The following OSBP2 variants were observed in gnomAD, a reference collection of about 807,000 sequenced individuals.
OSBP2 encodes the protein oxysterol binding protein 2.
Under a neutral mutation model 96.0 loss-of-function variants are expected in OSBP2, and 66 were observed. The observed-to-expected ratio is 0.69, with a 90% CI of 0.56 to 0.84. The LOEUF is 0.84. OSBP2 is among the 40% of genes least tolerant of loss of function. The pLI is 0.00. For synonymous variants in OSBP2, 525 were observed against 520.9 expected (o/e 1.01, Z -0.11); for missense variants, 1,038 against 1,222.7 (o/e 0.85, Z 2.25).
intron 2 of OSBP2, among the ~76,000 whole-genome samples, chr22:30,748,610 G>T (rs956361663): frequency 6.6e-6 from 1 of 152,200 alleles, no homozygotes; most frequent in South Asian, 2.1e-4. Flanking sequence ...CCTTGCAGAA[G>T]AAGACTGTGG....
At chr22:30,719,389 C>G (rs559988461) in intron 1 of OSBP2, among the ~76,000 whole-genome samples, 3 of 152,108 alleles carry the variant, frequency 2.0e-5, no homozygotes, top group African/African-American at 7.2e-5. Flanking sequence ...GAATGGGAAG[C>G]TGATTAGATT....
intron 2 of OSBP2, among the ~76,000 whole-genome samples, chr22:30,800,812 G>A (rs1392899509): frequency 1.3e-5 from 2 of 152,138 alleles, no homozygotes; most frequent in Admixed American, 6.5e-5. Flanking sequence ...GTGTGGCTTG[G>A]GTTGTTTGTG....
intron 8 of OSBP2, among the ~76,000 whole-genome samples, chr22:30,892,671 G>A (rs1176436822): frequency 6.6e-6 from 1 of 152,164 alleles, no homozygotes; most frequent in Non-Finnish European, 1.5e-5. Context: ...GCTGGCCAGA[G>A]GCAGGGCCCG....
At chr22:30,721,237 C>A (rs1263486026) in intron 1 of OSBP2, among the ~76,000 whole-genome samples, 1 of 151,918 alleles carries the variant, frequency 6.6e-6, no homozygotes, top group Non-Finnish European at 1.5e-5. Flanking sequence ...AAAAACCAAA[C>A]CAAACCAAAA....
At chr22:30,708,930 A>T (rs1034156322) in intron 1 of OSBP2, among the ~76,000 whole-genome samples, 9 of 151,558 alleles carry the variant, frequency 5.9e-5, no homozygotes, top group Non-Finnish European at 1.3e-4. Context: ...GTGAAAACTT[A>T]TCTCTACTAA....
At chr22:30,698,022 C>G (rs1217881260) in intron 1 of OSBP2, among the ~76,000 whole-genome samples, 1 of 152,206 alleles carries the variant, frequency 6.6e-6, no homozygotes, top group Non-Finnish European at 1.5e-5. Flanking sequence ...TGACGCCGCT[C>G]TCCTGTCCCC....
intron 2 of OSBP2, among the ~76,000 whole-genome samples, chr22:30,752,166 T>A (rs1477098904): frequency 1.3e-5 from 2 of 152,134 alleles, no homozygotes; most frequent in Non-Finnish European, 2.9e-5. Flanking sequence ...TGCCTGTGCA[T>A]CTAAAATTTG....
rs776120654 is a variant in OSBP2, at chr22:30,889,199, G to C, written c.1441G>C (p.Gly481Arg). Residue 481 changes from glycine (G) to arginine (R), a missense_variant, in exon 6 of 14, where the codon GGG (glycine) becomes CGG (arginine). This residue lies in a region of OSBP2 where 737 missense variants were observed against 913.3 expected (regional missense o/e 0.81). Coordinates refer to ENST00000332585, the MANE Select transcript of OSBP2 (RefSeq NM_030758.4). ...CAGCAGAAAAGCTGAAGGTAGCACCGGGACAAGTTCCGTGGACTGGAGCTC... is the reference window on the plus strand; with the variant it reads ...CAGCAGAAAAGCTGAAGGTAGCACCCGGACAAGTTCCGTGGACTGGAGCTC... ...EDSRKAEGST[G>R]TSSVDWSSAD... The C allele has an allele frequency of 1.9e-6, 3 of 1,613,574 alleles. No individual in the cohort carries two copies. In the Admixed American group the frequency reaches 5.0e-5, roughly 27 times the overall value.
chr22:30,804,726 A>G (rs557134281), intron 2 of OSBP2, among the ~76,000 whole-genome samples: 36 of 152,332 alleles, frequency 2.4e-4, no homozygotes, highest in African/African-American at 8.2e-4. Flanking sequence ...TTTCCACCCA[A>G]AAGTATTTTT....
chr22:30,798,209 G>T (rs1240697800), intron 2 of OSBP2, among the ~76,000 whole-genome samples: 1 of 152,124 alleles, frequency 6.6e-6, no homozygotes, highest in African/African-American at 2.4e-5. Context: ...TTTCATGTAC[G>T]TATTGGCCAT....
chr22:30,861,635 C>T (rs2039212964), intron 2 of OSBP2, among the ~76,000 whole-genome samples: 1 of 152,198 alleles, frequency 6.6e-6, no homozygotes, highest in Non-Finnish European at 1.5e-5. Context: ...GAGTCTTCAG[C>T]CGCCTGCCTC....
intron 3 of OSBP2, among the ~76,000 whole-genome samples, chr22:30,878,605 C>T (rs984614630): frequency 2.0e-5 from 3 of 152,188 alleles, no homozygotes; most frequent in Non-Finnish European, 4.4e-5. Flanking sequence ...GCAGAGCTAG[C>T]TCGAGGTGCC....
At chr22:30,823,016 G>A (rs62235941) in intron 2 of OSBP2, among the ~76,000 whole-genome samples, 166 of 152,360 alleles carry the variant, frequency 1.1e-3, no homozygotes, top group Non-Finnish European at 1.9e-3. Context: ...GGGAAGCGGT[G>A]GTCGGTGTTT....
rs549085766 is a variant in OSBP2, at chr22:30,821,373, C to T, written c.854-49056C>T. ...ACAGGCAAGACGAGGGCGTAGCAGGCCCCAGAAACAACATGCAGGTGGTGA... is the reference window on the plus strand; with the variant it reads ...ACAGGCAAGACGAGGGCGTAGCAGGTCCCAGAAACAACATGCAGGTGGTGA... On this transcript the variant is annotated intron_variant, in intron 2 of 13. Coordinates refer to ENST00000332585, the MANE Select transcript of OSBP2 (RefSeq NM_030758.4). Among the ~76,000 whole-genome samples, 330 of 152,260 alleles carry T rather than the reference C, an allele frequency of 2.2e-3. 3 individuals carry two copies. Among genetic ancestry groups the T allele is most frequent in the African/African-American group, 7.7e-3 (321 of 41,548 alleles).
At chr22:30,767,380 T>C (rs141523669) in intron 2 of OSBP2, among the ~76,000 whole-genome samples, 13 of 152,150 alleles carry the variant, frequency 8.5e-5, no homozygotes, top group African/African-American at 3.1e-4. Context: ...AATCGTCACA[T>C]ACCTGTCACC....
At chr22:30,752,522 C>T (rs542622765) in intron 2 of OSBP2, among the ~76,000 whole-genome samples, 2 of 151,874 alleles carry the variant, frequency 1.3e-5, no homozygotes, top group South Asian at 4.2e-4. Flanking sequence ...GATCTCCTGA[C>T]CTTGTGATCC....
intron 2 of OSBP2, among the ~76,000 whole-genome samples, chr22:30,756,711 CA>C (rs1002051783): frequency 6.6e-6 from 1 of 151,600 alleles, no homozygotes; most frequent in Non-Finnish European, 1.5e-5. Context: ...AACAAACAAA[CA>C]AAAAAAACCT....
At position 30,787,550 on chromosome 22, in the gene OSBP2, G is replaced by A. The variant is rs146770828; in HGVS notation, c.853+46181G>A. Among the ~76,000 whole-genome samples, 1,034 of 152,292 alleles carry A rather than the reference G, an allele frequency of 6.8e-3. 9 individuals carry two copies. Among genetic ancestry groups the A allele is most frequent in the African/African-American group, 0.023 (969 of 41,558 alleles). ...TAGGCGGGCATGGTGGTGCATGCCT[G>A]TAATCCCAGCGAATCGGGAGGCTGA... On this transcript the variant is annotated intron_variant, in intron 2 of 13. Coordinates refer to ENST00000332585, the MANE Select transcript of OSBP2 (RefSeq NM_030758.4).
chr22:30,877,136 G>C (rs1220839241), intron 3 of OSBP2, among the ~76,000 whole-genome samples: 1 of 151,946 alleles, frequency 6.6e-6, no homozygotes, highest in Non-Finnish European at 1.5e-5. Flanking sequence ...CAGCACATGG[G>C]AGCCTCAGCA....
Sources: gnomAD v4.1 joint callset for allele counts (sites outside exome capture counted in the v4.1 genomes callset) on GRCh38, gnomAD v4.1.1 for gene constraint, gnomAD v4.1.1 regional missense constraint, MANE v1.5 for transcripts, NCBI Gene and HGNC (gene_info 2026-07-23, HGNC 2026-07-21) for gene names.